GUCY1B1: variants seen among roughly 807,000 people sequenced by gnomAD.
The protein encoded by GUCY1B1 is guanylate cyclase soluble subunit beta-1.
A neutral mutation model predicts 71.0 loss-of-function variants in GUCY1B1; 43 were observed. That is an observed-to-expected ratio of 0.61 (90% confidence interval 0.47 to 0.78). GUCY1B1 has a LOEUF of 0.78. GUCY1B1 is among the 30% of genes least tolerant of loss of function. GUCY1B1 has a pLI of 0.00. For synonymous variants in GUCY1B1, 266 were observed against 259.7 expected (o/e 1.02, Z -0.23); for missense variants, 535 against 754.1 (o/e 0.71, Z 3.40).
At chr4:155,774,873 A>G (rs893651949) in intron 2 of GUCY1B1, 95 bp from the exon 3 acceptor site, 6 of 756,032 alleles carry the variant, frequency 7.9e-6, no homozygotes, top group Non-Finnish European at 1.3e-5. Flanking sequence ...TCTATTTCAG[A>G]GATAAAGCCA....
intron 4 of GUCY1B1, among the ~76,000 whole-genome samples, chr4:155,781,387 C>T (rs1049604601): frequency 2.6e-5 from 4 of 152,068 alleles, no homozygotes; most frequent in East Asian, 1.9e-4. Context: ...GTTGACTTAA[C>T]GAATACTAAC....
At chr4:155,777,708 A>G in intron 4 of GUCY1B1, 66 bp downstream of exon 4, 1 of 813,270 alleles carries the variant, frequency 1.2e-6, no homozygotes, top group East Asian at 2.4e-5. Flanking sequence ...AGACTCTAGA[A>G]TACTTTTGTT....
intron 13 of GUCY1B1, among the ~76,000 whole-genome samples, chr4:155,805,703 A>G (rs1384918990): frequency 3.9e-5 from 6 of 152,128 alleles, no homozygotes; most frequent in Non-Finnish European, 7.4e-5. Context: ...GAATTTTGGA[A>G]ATCCTAGTCC....
intron 8 of GUCY1B1, 59 bp from the exon 9 acceptor site, chr4:155,799,818 G>T: frequency 1.1e-6 from 1 of 907,272 alleles, no homozygotes; most frequent in Non-Finnish European, 1.7e-6. Context: ...CAGAAATCGG[G>T]ATTGCATTGT....
chr4:155,777,446 A>T, intron 3 of GUCY1B1, 78 bp from the exon 4 acceptor site: 1 of 806,360 alleles, frequency 1.2e-6, no homozygotes, highest in Non-Finnish European at 2.2e-6. Flanking sequence ...TACTTAATAA[A>T]CACTTATCTT....
chr4:155,796,332 T>G, intron 7 of GUCY1B1, 45 bp from the exon 8 acceptor site: 1 of 1,577,114 alleles, frequency 6.3e-7, no homozygotes, highest in Non-Finnish European at 8.7e-7. Flanking sequence ...AATTCTTAGG[T>G]AGGGAGAAAG....
rs1739348789 is a variant in GUCY1B1 at position 155,793,840 on chromosome 4, C to T, written c.496-16C>T. ...AAATGAAGACAATTCATGCCATTTC[C>T]CCCTTTGATATCCAGGTTATTCAGC... On this transcript the variant is annotated splice_polypyrimidine_tract_variant and intron_variant, in intron 5 of 13. Transcript: ENST00000264424. 2.7e-6 allele frequency: 3 copies of T among 1,092,412 alleles called. No homozygotes were observed. The highest frequency in any genetic ancestry group is 1.3e-5 in the South Asian group (1 of 78,458). The allele number at this position is 1,092,412 out of a possible 1,614,324, so 67.7% of individuals were successfully genotyped here.
chr4:155,792,151 G>T (rs1198989294), intron 5 of GUCY1B1, among the ~76,000 whole-genome samples: 1 of 151,884 alleles, frequency 6.6e-6, no homozygotes, highest in Non-Finnish European at 1.5e-5. Flanking sequence ...CTTCTCGAGG[G>T]ATTCTCACAT....
chr4:155,760,138 C>T (rs1199183931), intron 2 of GUCY1B1, among the ~76,000 whole-genome samples: 1 of 152,158 alleles, frequency 6.6e-6, no homozygotes, highest in Non-Finnish European at 1.5e-5. Flanking sequence ...AGCGTGGGAA[C>T]GCGCTGCCGG....
In GUCY1B1 at chr4:155,794,068, A is replaced by T. The variant is rs377482701; in HGVS notation, c.708A>T (p.Ile236=). The T allele has an allele frequency of 2.7e-5, 43 of 1,596,556 alleles. No individual in the cohort carries two copies. The African/African-American group carries it at 5.6e-4, about 21-fold the overall frequency. Reference sequence around the variant, plus strand: ...TGGTCACTCAGTGTGGCAATGCTATATACAGAGTTCTCCCCCAGGTAAAAT... The same window carrying T: ...TGGTCACTCAGTGTGGCAATGCTATTTACAGAGTTCTCCCCCAGGTAAAAT... ...DLVVTQCGNA[I]YRVLPQLQPG... is the part of the protein sequence containing the mutation. The change falls in exon 6 of 14, where the codon ATA becomes ATT. Residue 236 remains isoleucine (I), a synonymous_variant. Transcript: ENST00000264424.
intron 10 of GUCY1B1, 78 bp from the exon 11 acceptor site, chr4:155,803,546 A>G (rs2111177132): frequency 6.8e-6 from 7 of 1,034,372 alleles, no homozygotes; most frequent in Non-Finnish European, 9.1e-6. Context: ...ACTTGAAAAA[A>G]TATGTTTTTT....
rs1740357443 is a variant in GUCY1B1 at position 155,806,907 on chromosome 4, A to G, written c.*498A>G. 1 of 152,334 alleles carries G rather than the reference A, an allele frequency of 6.6e-6. No homozygotes were observed. Among genetic ancestry groups the G allele is most frequent in the African/African-American group, 2.4e-5 (1 of 41,444 alleles). 9.4% of individuals were successfully genotyped at this position (152,334 alleles called of 1,614,324 possible). A position where few individuals can be genotyped will look rare whatever the true frequency, so the allele number is the denominator to read the frequency against. ...TAGAAATCATTTTCTAAAGGAGTGAATTCTAAGTTTTAGGGGAAAAAATGC... is the reference window on the plus strand; with the variant it reads ...TAGAAATCATTTTCTAAAGGAGTGAGTTCTAAGTTTTAGGGGAAAAAATGC... On this transcript the variant is annotated 3_prime_UTR_variant, in exon 14 of 14. Coordinates refer to ENST00000264424, the MANE Select transcript of GUCY1B1 (RefSeq NM_000857.5).
intron 2 of GUCY1B1, among the ~76,000 whole-genome samples, chr4:155,770,284 G>C (rs1737611102): frequency 6.6e-6 from 1 of 152,164 alleles, no homozygotes; most frequent in Non-Finnish European, 1.5e-5. Context: ...AGCCTGCAGT[G>C]TGGGAAGGGA....
Position 155,807,679 on chromosome 4 carries a change from T to C in GUCY1B1, c.*1270T>C, listed in dbSNP as rs1403360304. 1 of 152,126 alleles carries C rather than the reference T, an allele frequency of 6.6e-6. No individual in the cohort carries two copies. The highest frequency in any genetic ancestry group is 1.5e-5 in the Non-Finnish European group (1 of 68,012). The allele number at this position is 152,126 out of a possible 1,614,324, so 9.4% of individuals were successfully genotyped here. Reference sequence around the variant, plus strand: ...TATTTTGTAAATACATTTTACAATTTTGCCTATTTGCTACCATTATAAATT... The same window carrying C: ...TATTTTGTAAATACATTTTACAATTCTGCCTATTTGCTACCATTATAAATT... On this transcript the variant is annotated 3_prime_UTR_variant, in exon 14 of 14. Transcript: ENST00000264424.
In GUCY1B1 at chr4:155,802,708, T is replaced by C; in HGVS notation, c.1413+129T>C. On this transcript the variant is annotated intron_variant, in intron 10 of 13. Coordinates refer to ENST00000264424, the MANE Select transcript of GUCY1B1 (RefSeq NM_000857.5). This position sits in a 1 kb window ranked among gnomAD's most constrained non-coding sequence, Gnocchi z 4.3. ...GCCTTGAGTACAGTGAGCCTCCATG[T>C]ATTCACTCTTTACCATGTTCTTAAA... 2 of 695,864 alleles carry C rather than the reference T, an allele frequency of 2.9e-6. No homozygotes were observed. Among genetic ancestry groups the C allele is most frequent in the Non-Finnish European group, 4.8e-6 (2 of 420,798 alleles). 43.1% of individuals were successfully genotyped at this position (695,864 alleles called of 1,614,324 possible).
chr4:155,776,858 G>GT (rs1457630810), intron 3 of GUCY1B1, among the ~76,000 whole-genome samples: 2 of 151,978 alleles, frequency 1.3e-5, no homozygotes, highest in African/African-American at 4.8e-5. Flanking sequence ...AAAAATCTGT[G>GT]TTTTTTGGAA....
chr4:155,806,385 G>A lies in GUCY1B1; in HGVS notation c.1837-1G>A, dbSNP rs1187096462. 2.5e-6 allele frequency: 4 copies of A among 1,599,384 alleles called. No homozygotes were observed. The highest frequency in any genetic ancestry group is 3.4e-6 in the Non-Finnish European group (4 of 1,167,406). On this transcript the variant is annotated splice_acceptor_variant, in intron 13 of 13. Coordinates refer to ENST00000264424, the MANE Select transcript of GUCY1B1 (RefSeq NM_000857.5). LOFTEE classifies it high-confidence loss of function. ...TCCCTCTTTTCTTCTGCCTATTTAAGGAAACAAAGCAGGATGATGACTGAA... is the reference window on the plus strand; with the variant it reads ...TCCCTCTTTTCTTCTGCCTATTTAAAGAAACAAAGCAGGATGATGACTGAA...
intron 8 of GUCY1B1, among the ~76,000 whole-genome samples, chr4:155,797,514 TGGATCACAAGGTCA>T: frequency 6.6e-6 from 1 of 151,770 alleles, no homozygotes; most frequent in East Asian, 1.9e-4. Context: ...CCGAGGTGGG[TGGATCACAAGGTCA>T]GGAGTTCAAG....
chr4:155,794,087 G>A lies in GUCY1B1; in HGVS notation c.726+1G>A. 2.0e-6 allele frequency: 3 copies of A among 1,525,618 alleles called. No individual in the cohort carries two copies. Among genetic ancestry groups the A allele is most frequent in the Non-Finnish European group, 2.7e-6 (3 of 1,100,914 alleles). The allele number at this position is 1,525,618 out of a possible 1,614,324, so 94.5% of individuals were successfully genotyped here. A position where few individuals can be genotyped will look rare whatever the true frequency, so the allele number is the denominator to read the frequency against. On this transcript the variant is annotated splice_donor_variant, in intron 6 of 13. Transcript: ENST00000264424. LOFTEE classifies it high-confidence loss of function. Reference sequence around the variant, plus strand: ...TGCTATATACAGAGTTCTCCCCCAGGTAAAATGACAGCATACTTCCTTGGG... The same window carrying A: ...TGCTATATACAGAGTTCTCCCCCAGATAAAATGACAGCATACTTCCTTGGG...
Sources: allele counts gnomAD v4.1 joint callset (sites outside exome capture counted in the v4.1 genomes callset), GRCh38; gene constraint gnomAD v4.1.1; non-coding constraint Gnocchi (gnomAD v3.1); transcripts MANE v1.5; gene names NCBI Gene and HGNC (gene_info 2026-07-23, HGNC 2026-07-21).